The following FAP variants were observed in gnomAD, a reference collection of about 807,000 sequenced individuals.
FAP encodes fibroblast activation protein alpha.
In FAP, 110 loss-of-function variants were observed where a neutral mutation model predicts 126.5. The observed-to-expected ratio is 0.87, with a 90% CI of 0.74 to 1.02. The LOEUF is 1.02. FAP is among the 50% of genes least tolerant of loss of function. The pLI, the probability that FAP is intolerant of heterozygous loss-of-function variation, is 0.00. For missense variants in FAP, 919 were observed against 909.2 expected (o/e 1.01, Z -0.14); for synonymous variants, 334 against 297.3 (o/e 1.12, Z -1.27).
Position 162,202,961 on chromosome 2 carries a change from T to A in FAP, c.1153-19A>T. ...CATTTTCCTATAAAAAGACAAACATTATGTTGTGTGAAACTGAGCGTTATT... is the reference window on the plus strand; with the variant it reads ...CATTTTCCTATAAAAAGACAAACATAATGTTGTGTGAAACTGAGCGTTATT... On this transcript the variant is annotated intron_variant, in intron 13 of 25. Coordinates refer to ENST00000188790, the MANE Select transcript of FAP (RefSeq NM_004460.5). 1 of 1,610,368 alleles carries A rather than the reference T, an allele frequency of 6.2e-7. No individual in the cohort carries two copies. Among genetic ancestry groups the A allele is most frequent in the South Asian group, 1.1e-5 (1 of 90,998 alleles).
At chr2:162,183,256 C>A (rs148046977) in intron 21 of FAP, among the ~76,000 whole-genome samples, 158 bp downstream of exon 21, 1 of 152,062 alleles carries the variant, frequency 6.6e-6, no homozygotes, top group African/African-American at 2.4e-5. Flanking sequence ...CTTAAAACCA[C>A]CATTTTGAAG....
Position 162,209,965 on chromosome 2 carries a change from C to A in FAP, c.1034G>T (p.Gly345Val). 1 of 1,612,974 alleles carries A rather than the reference C, an allele frequency of 6.2e-7. No homozygotes were observed. Among genetic ancestry groups the A allele is most frequent in the South Asian group, 1.1e-5 (1 of 91,046 alleles). Residue 345 changes from glycine (G) to valine (V), a missense_variant, in exon 12 of 26, where the codon GGA becomes GTA. Coordinates refer to ENST00000188790, the MANE Select transcript of FAP (RefSeq NM_004460.5). ...TQEHIEESRTGWAGGFFVSTP... is the reference protein window; with the variant it reads ...TQEHIEESRTVWAGGFFVSTP... ...GCAAAATCATACTCCACCAGCCCATCCAGTTCTGCTTTCTTCTATATGCTC... is the reference window on the plus strand; with the variant it reads ...GCAAAATCATACTCCACCAGCCCATACAGTTCTGCTTTCTTCTATATGCTC...
At chr2:162,189,924 T>C (rs1362208606) in intron 17 of FAP, among the ~76,000 whole-genome samples, 170 bp from the exon 18 acceptor site, 1 of 152,046 alleles carries the variant, frequency 6.6e-6, no homozygotes, top group African/African-American at 2.4e-5. Flanking sequence ...TTAGAGCAGA[T>C]ATAAGCTTAT....
intron 2 of FAP, among the ~76,000 whole-genome samples, chr2:162,233,876 G>A (rs1345606214): frequency 2.0e-5 from 3 of 152,122 alleles, no homozygotes; most frequent in Admixed American, 1.3e-4. Flanking sequence ...TCCATTTTGA[G>A]TTAATTTTTG....
chr2:162,217,722 A>G (rs1689207575), intron 9 of FAP, among the ~76,000 whole-genome samples: 1 of 152,198 alleles, frequency 6.6e-6, no homozygotes, highest in Non-Finnish European at 1.5e-5. Flanking sequence ...AAATTAAGTT[A>G]AGCTTGTTTT....
intron 22 of FAP, among the ~76,000 whole-genome samples, chr2:162,174,609 G>C (rs1376268488): frequency 1.3e-5 from 2 of 152,142 alleles, no homozygotes; most frequent in Non-Finnish European, 2.9e-5. Flanking sequence ...TAAAGATTTG[G>C]TTCGGCAGGG....
chr2:162,214,997 C>T (rs1337892051), intron 10 of FAP, among the ~76,000 whole-genome samples: 1 of 151,946 alleles, frequency 6.6e-6, no homozygotes, highest in African/African-American at 2.4e-5. Flanking sequence ...TTGTGTTATG[C>T]TCATTTCATC....
intron 20 of FAP, among the ~76,000 whole-genome samples, chr2:162,185,078 G>A (rs979910904): frequency 3.9e-5 from 6 of 152,124 alleles, no homozygotes; most frequent in African/African-American, 1.4e-4. Context: ...GACCAACGAG[G>A]CACTATAAAA....
rs867057510 is a variant in FAP, at chr2:162,235,193, T to C, written c.91+7715A>G. Among the ~76,000 whole-genome samples, 15 of 44,132 alleles carry C rather than the reference T, an allele frequency of 3.4e-4. No individual in the cohort carries two copies. In the South Asian group the frequency reaches 5.4e-3, roughly 16 times the overall value. 29.0% of individuals were successfully genotyped at this position (44,132 alleles called of 152,430 possible). A position where few individuals can be genotyped will look rare whatever the true frequency, so the allele number is the denominator to read the frequency against. ...CCCGCCCCCTGTCACCTCCTGCCCC[T>C]CCCCCTCCGCCATGGGCTCCTGCAC... On this transcript the variant is annotated intron_variant, in intron 2 of 25. Coordinates refer to ENST00000188790, the MANE Select transcript of FAP (RefSeq NM_004460.5).
chr2:162,183,706 C>T (rs186796648), intron 20 of FAP: 48 of 369,868 alleles, frequency 1.3e-4, no homozygotes, highest in African/African-American at 5.1e-4. Context: ...AATGTCAGAG[C>T]GGTATAAGGC....
chr2:162,222,305 A>G (rs1383827740), intron 6 of FAP, among the ~76,000 whole-genome samples: 1 of 152,176 alleles, frequency 6.6e-6, no homozygotes, highest in Non-Finnish European at 1.5e-5. Flanking sequence ...TCATTGTTAT[A>G]TGTGTTTCAC....
chr2:162,187,019 G>A (rs533987045), intron 20 of FAP, among the ~76,000 whole-genome samples: 12 of 152,092 alleles, frequency 7.9e-5, no homozygotes, highest in African/African-American at 1.9e-4. Flanking sequence ...CTAATTTGTC[G>A]TATTGTACTC....
chr2:162,215,757 CTTAT>C, intron 10 of FAP, 137 bp downstream of exon 10: 2 of 598,610 alleles, frequency 3.3e-6, no homozygotes, highest in Non-Finnish European at 2.9e-6. Flanking sequence ...ATTAAGGAAA[CTTAT>C]TTGTCAATTT....
chr2:162,189,839 G>T, intron 17 of FAP, 85 bp from the exon 18 acceptor site: 2 of 703,638 alleles, frequency 2.8e-6, no homozygotes, highest in South Asian at 1.8e-5. Flanking sequence ...CTTCAATATG[G>T]GTGAAACTGA....
Position 162,200,510 on chromosome 2 carries a change from T to C in FAP, c.1277+56A>G. ...TTTTGCATCTCCTGGGGATGATGACTTTTTATATTAAAATATCAACACATA... is the reference window on the plus strand; with the variant it reads ...TTTTGCATCTCCTGGGGATGATGACCTTTTATATTAAAATATCAACACATA... On this transcript the variant is annotated intron_variant, in intron 15 of 25. Coordinates refer to ENST00000188790, the MANE Select transcript of FAP (RefSeq NM_004460.5). The C allele has an allele frequency of 1.3e-5, 13 of 993,528 alleles. No homozygotes were observed. The South Asian group carries it at 1.8e-4, about 14-fold the overall frequency. The allele number at this position is 993,528 out of a possible 1,614,324, so 61.5% of individuals were successfully genotyped here.
chr2:162,171,503 C>A, intron 25 of FAP: 1 of 167,688 alleles, frequency 6.0e-6, no homozygotes, highest in South Asian at 1.5e-4. Context: ...GCCTGTGAAT[C>A]TAATTCCTCT....
intron 12 of FAP, 56 bp from the exon 13 acceptor site, chr2:162,203,201 A>T: frequency 8.2e-7 from 1 of 1,214,712 alleles, no homozygotes; most frequent in Non-Finnish European, 1.2e-6. Context: ...AAAACCATAG[A>T]TTTTGTTTTA....
chr2:162,242,378 T>G (rs947397760), intron 2 of FAP, among the ~76,000 whole-genome samples: 3 of 152,206 alleles, frequency 2.0e-5, no homozygotes, highest in Non-Finnish European at 4.4e-5. Context: ...TTTGGTTTTC[T>G]AATTTGATGT....
intron 4 of FAP, among the ~76,000 whole-genome samples, chr2:162,225,141 T>C (rs1033811312): frequency 6.6e-6 from 1 of 152,140 alleles, no homozygotes. Context: ...TACCGAGGCA[T>C]AGTAAGATTG....
Sources: gnomAD v4.1 joint callset for allele counts (sites outside exome capture counted in the v4.1 genomes callset) on GRCh38, gnomAD v4.1.1 for gene constraint, MANE v1.5 for transcripts, NCBI Gene and HGNC (gene_info 2026-07-23, HGNC 2026-07-21) for gene names.